Variants in DMD observed in about 807,000 individuals in gnomAD.
The protein encoded by DMD is mutant dystrophin.
DMD carries 63 observed loss-of-function variants against 330.1 expected under a neutral mutation model. The ratio of observed to expected loss-of-function variants is 0.19; its 90% CI spans 0.16 to 0.24. The LOEUF is 0.24. DMD is among the 10% of genes least tolerant of loss of function. DMD has a pLI of 1.00. For synonymous variants in DMD, 1,223 were observed against 959.8 expected (o/e 1.27, Z -5.07); for missense variants, 3,344 against 2,684.1 (o/e 1.25, Z -5.43).
chrX:31,449,517 G>A (rs1009634277), intron 59 of DMD, among the ~76,000 whole-genome samples: 4 of 109,451 alleles, frequency 3.7e-5, no homozygotes, highest in Admixed American at 9.9e-5. Context: ...AGGGAGTTTC[G>A]ATATTAGCCA....
intron 18 of DMD, among the ~76,000 whole-genome samples, chrX:32,510,420 T>C (rs2045166659): frequency 8.9e-6 from 1 of 112,016 alleles, no homozygotes; most frequent in Admixed American, 9.5e-5. Context: ...CCTCTCATTT[T>C]ATTCTGCTCC....
intron 45 of DMD, among the ~76,000 whole-genome samples, chrX:31,957,719 T>G (rs2095260730): frequency 8.9e-6 from 1 of 112,119 alleles, no homozygotes; most frequent in African/African-American, 3.2e-5. Flanking sequence ...AAATTTAGAC[T>G]TATATTAATG....
In DMD at chrX:32,207,872, C is replaced by T. The variant is rs1381209920; in HGVS notation, c.6438+9044G>A. Among the ~76,000 whole-genome samples, 4 of 111,302 alleles carry T rather than the reference C, an allele frequency of 3.6e-5. No homozygotes were observed. The East Asian group carries it at 1.1e-3, about 31-fold the overall frequency. On this transcript the variant is annotated intron_variant, in intron 44 of 78. Coordinates refer to ENST00000357033, the MANE Select transcript of DMD (RefSeq NM_004006.3). ...AGTATTTAAAAGTACACACATTGTCCTTTTGTAAATACATACAACAGCCAT... is the reference window on the plus strand; with the variant it reads ...AGTATTTAAAAGTACACACATTGTCTTTTTGTAAATACATACAACAGCCAT...
chrX:33,161,531 C>T (rs183915510), intron 1 of DMD, among the ~76,000 whole-genome samples: 1 of 111,547 alleles, frequency 9.0e-6, no homozygotes, highest in African/African-American at 3.3e-5. Flanking sequence ...TTAAACAACA[C>T]AACCAAATTT....
chrX:32,772,063 C>A (rs1463202601), intron 7 of DMD, among the ~76,000 whole-genome samples: 1 of 112,286 alleles, frequency 8.9e-6, no homozygotes, highest in Non-Finnish European at 1.9e-5. Context: ...GAAGAATGGG[C>A]TGTCAATGCC....
chrX:31,257,762 T>C (rs957620476), intron 63 of DMD, among the ~76,000 whole-genome samples: 5 of 111,869 alleles, frequency 4.5e-5, no homozygotes, highest in African/African-American at 9.8e-5. Context: ...CTAGCCAACA[T>C]GGCAAAACCC....
chrX:31,790,285 T>C (rs889376744), intron 50 of DMD, among the ~76,000 whole-genome samples: 2 of 111,412 alleles, frequency 1.8e-5, no homozygotes, highest in Non-Finnish European at 3.8e-5. Flanking sequence ...GCATATGGGC[T>C]GAAGTTATCA....
intron 56 of DMD, 48 bp from the exon 57 acceptor site, chrX:31,496,992 T>C (rs1392368985): frequency 8.7e-7 from 1 of 1,148,486 alleles, no homozygotes; most frequent in Non-Finnish European, 1.2e-6. Context: ...AGAAGTGTAA[T>C]TGATGATTCT....
chrX:32,730,901 G>C (rs1001063325), intron 7 of DMD, among the ~76,000 whole-genome samples: 2 of 111,773 alleles, frequency 1.8e-5, no homozygotes, highest in Non-Finnish European at 3.8e-5. Context: ...TGATTTGAGA[G>C]GAGGAGCCAA....
chrX:31,161,281 C>G lies in DMD; in HGVS notation c.10553+8162G>C, dbSNP rs2038779446. Among the ~76,000 whole-genome samples, 3 of 111,902 alleles carry G rather than the reference C, an allele frequency of 2.7e-5. No individual in the cohort carries two copies. The Admixed American group carries it at 2.8e-4, about 11-fold the overall frequency. On this transcript the variant is annotated intron_variant, in intron 74 of 78. Transcript: ENST00000357033. The stretch of plus-strand genomic sequence containing the variant: ...GGCTACAGGGAAGCTCAAACTGAAT[C>G]TGAAGCTTAGTCAAATCAACTATGC...
chrX:31,744,917 T>C (rs2087698110), intron 51 of DMD, among the ~76,000 whole-genome samples: 1 of 112,222 alleles, frequency 8.9e-6, no homozygotes, highest in Non-Finnish European at 1.9e-5. Flanking sequence ...ATAATTGAAC[T>C]TGTGATGAAC....
chrX:32,280,461 G>A (rs908058280), intron 43 of DMD, among the ~76,000 whole-genome samples: 1 of 110,376 alleles, frequency 9.1e-6, no homozygotes, highest in African/African-American at 3.3e-5. Context: ...TAAGTATTTT[G>A]TATTGGCACA....
chrX:33,248,862 T>C (rs2052716355), intron 1 of DMD, among the ~76,000 whole-genome samples: 2 of 112,558 alleles, frequency 1.8e-5, no homozygotes, highest in Admixed American at 9.4e-5. Context: ...AGATAAATCA[T>C]TGGCAACAAC....
At chrX:32,944,792 G>A (rs1161285336) in intron 2 of DMD, among the ~76,000 whole-genome samples, 1 of 109,535 alleles carries the variant, frequency 9.1e-6, no homozygotes, top group Non-Finnish European at 1.9e-5. Context: ...TTTAAGTAGA[G>A]GCTGGGTTTC....
At chrX:31,333,944 T>C (rs191458044) in intron 61 of DMD, among the ~76,000 whole-genome samples, 4,503 of 111,389 alleles carry the variant, frequency 0.04, 83 homozygotes, top group Non-Finnish European at 0.066. Context: ...CTTTTTTTTT[T>C]TTTTTGGATA....
intron 2 of DMD, among the ~76,000 whole-genome samples, chrX:32,873,753 C>T (rs1444680442): frequency 1.8e-5 from 2 of 111,798 alleles, no homozygotes; most frequent in Non-Finnish European, 3.8e-5. Flanking sequence ...TCTCCAAAGT[C>T]GAATAAAAAT....
At chrX:32,823,941 C>A (rs1391010517) in intron 4 of DMD, among the ~76,000 whole-genome samples, 1 of 111,728 alleles carries the variant, frequency 9.0e-6, no homozygotes, top group Non-Finnish European at 1.9e-5. Context: ...GTCCTTCACA[C>A]TCCTCAAATG....
chrX:31,341,794 T>A (rs1373914050), intron 61 of DMD, among the ~76,000 whole-genome samples: 1 of 110,753 alleles, frequency 9.0e-6, no homozygotes, highest in Non-Finnish European at 1.9e-5. Flanking sequence ...AGGAAAGGGC[T>A]CGAATGATTC....
chrX:31,756,924 G>C (rs1014993422), intron 51 of DMD, among the ~76,000 whole-genome samples: 1 of 110,284 alleles, frequency 9.1e-6, no homozygotes, highest in Non-Finnish European at 1.9e-5. Flanking sequence ...AATGGGAAGA[G>C]TTGGATAAAC....
Sources: gnomAD v4.1 joint callset for allele counts (sites outside exome capture counted in the v4.1 genomes callset) on GRCh38, gnomAD v4.1.1 for gene constraint, MANE v1.5 for transcripts, NCBI Gene and HGNC (gene_info 2026-07-23, HGNC 2026-07-21) for gene names.